PLEKHA7: variants seen among roughly 807,000 people sequenced by gnomAD.
PLEKHA7 encodes the protein pleckstrin homology domain containing A7.
In PLEKHA7, 104 loss-of-function variants were observed where a neutral mutation model predicts 170.0. The observed-to-expected ratio is 0.61, with a 90% CI of 0.52 to 0.72. PLEKHA7 has a LOEUF of 0.72. PLEKHA7 is among the 30% of genes least tolerant of loss of function. PLEKHA7 has a pLI of 0.00. For missense variants in PLEKHA7, 1,615 were observed against 1,671.7 expected, an observed-to-expected ratio of 0.97 and a Z score of 0.59; for synonymous variants, 648 against 660.8, an observed-to-expected ratio of 0.98 and a Z score of 0.30.
At position 16,864,711 on chromosome 11, in the gene PLEKHA7, AC is replaced by A. The variant is rs375929318; in HGVS notation, c.305+6387del. 1.1e-4 allele frequency among the ~76,000 whole-genome samples: 17 copies of A among 152,272 alleles called. No individual in the cohort carries two copies. The East Asian group carries it at 2.5e-3, about 22-fold the overall frequency. On this transcript the variant is annotated intron_variant, in intron 4 of 26. Coordinates refer to ENST00000531066, the MANE Select transcript of PLEKHA7 (RefSeq NM_001329630.2). Reference sequence around the variant, plus strand: ...CTTGCCTGCAGCCATGTAAGATGTGACTTTGCTCCTTATTTGCCTTCCGCCA... The same window carrying A: ...CTTGCCTGCAGCCATGTAAGATGTGATTTGCTCCTTATTTGCCTTCCGCCA...
chr11:16,906,495 A>AT (rs1215419521), intron 3 of PLEKHA7, among the ~76,000 whole-genome samples: 1 of 139,624 alleles, frequency 7.2e-6, no homozygotes, highest in African/African-American at 3.1e-5. Context: ...TGGTTTTCGT[A>AT]TTTTTTTGGT....
chr11:16,815,677 A>C lies in PLEKHA7; in HGVS notation c.1953+501T>G, dbSNP rs559629058. On this transcript the variant is annotated intron_variant, in intron 12 of 26. Coordinates refer to ENST00000531066, the MANE Select transcript of PLEKHA7 (RefSeq NM_001329630.2). Reference sequence around the variant, plus strand: ...ATCACAGGAGTGTACCACCACACCCAGATAGTTTTTGTATTTTTAGTAGAG... The same window carrying C: ...ATCACAGGAGTGTACCACCACACCCCGATAGTTTTTGTATTTTTAGTAGAG... Among the ~76,000 whole-genome samples the C allele has an allele frequency of 8.7e-4, 132 of 152,186 alleles. 1 individual carries two copies. In the Middle Eastern group the frequency reaches 0.024, roughly 27 times the overall value.
chr11:16,863,087 G>C (rs1565034484), intron 4 of PLEKHA7, among the ~76,000 whole-genome samples: 1 of 152,102 alleles, frequency 6.6e-6, no homozygotes, highest in Non-Finnish European at 1.5e-5. Context: ...CCAACTTGTA[G>C]CTGCAGAAGG....
At chr11:16,918,541 G>C (rs780219592) in intron 3 of PLEKHA7, among the ~76,000 whole-genome samples, 2 of 152,198 alleles carry the variant, frequency 1.3e-5, no homozygotes, top group Non-Finnish European at 2.9e-5. Context: ...TCAGTACAAT[G>C]AGCCCGTTGA....
At chr11:16,993,534 A>G (rs183693950) in intron 3 of PLEKHA7, among the ~76,000 whole-genome samples, 20 of 152,296 alleles carry the variant, frequency 1.3e-4, no homozygotes, top group African/African-American at 4.8e-4. Flanking sequence ...GGCACTAGAT[A>G]AATGGTGGTT....
At chr11:16,877,439 CTA>C (rs1262055666) in intron 3 of PLEKHA7, among the ~76,000 whole-genome samples, 1 of 152,176 alleles carries the variant, frequency 6.6e-6, no homozygotes, top group African/African-American at 2.4e-5. Flanking sequence ...AACAGCATCT[CTA>C]TGTTTCCTCA....
At chr11:16,889,423 ATATAT>A (rs1565076501) in intron 3 of PLEKHA7, among the ~76,000 whole-genome samples, 24 of 104,570 alleles carry the variant, frequency 2.3e-4, no homozygotes, top group African/African-American at 8.6e-4. Flanking sequence ...AAAAAAAAAT[ATATAT>A]ATATATATAT....
At chr11:16,834,535 G>C (rs1851361027) in intron 9 of PLEKHA7, among the ~76,000 whole-genome samples, 2 of 152,172 alleles carry the variant, frequency 1.3e-5, no homozygotes, top group African/African-American at 4.8e-5. Context: ...TTAGTCCCAA[G>C]ACAGGACTGC....
In PLEKHA7 at chr11:16,971,779, G is replaced by A. The variant is rs565746191; in HGVS notation, c.221+42210C>T. Among the ~76,000 whole-genome samples the A allele has an allele frequency of 1.2e-4, 18 of 151,856 alleles. No individual in the cohort carries two copies. The East Asian group carries it at 2.9e-3, about 24-fold the overall frequency. ...ATCTTTTTTTATTTTTAAGTGAAGG[G>A]ATATTTTCGCAGATGTCATTAAGGA... is the stretch of plus-strand genomic sequence containing the variant. On this transcript the variant is annotated intron_variant, in intron 3 of 26. Coordinates refer to ENST00000531066, the MANE Select transcript of PLEKHA7 (RefSeq NM_001329630.2).
At chr11:16,788,937 C>T (rs919261008) in intron 23 of PLEKHA7, 159 bp downstream of exon 23, 1 of 902,456 alleles carries the variant, frequency 1.1e-6, no homozygotes, top group Non-Finnish European at 1.7e-6. Context: ...ATTCGTCCAG[C>T]CTGGGTCGTG....
intron 3 of PLEKHA7, among the ~76,000 whole-genome samples, chr11:16,877,598 A>C (rs966090070): frequency 6.6e-6 from 1 of 152,202 alleles, no homozygotes; most frequent in African/African-American, 2.4e-5. Context: ...TATTTTGACA[A>C]TATCAAGATT....
chr11:16,801,014 T>G lies in PLEKHA7; in HGVS notation c.2369A>C (p.Gln790Pro), dbSNP rs149301272. ...TCTTCTGTGTTGCTCCTGCAGGGTC[T>G]GCTTCAGCTGTTCCACATCATTCTC... Reference protein sequence around the residue: ...KLENDVEQLKQTLQEQHRRAF... With the variant: ...KLENDVEQLKPTLQEQHRRAF... The change falls in exon 17 of 27, where the codon CAG becomes CCG. Residue 790 changes from glutamine to proline, a missense_variant. Physicochemically the swap from Gln to Pro is moderately conservative, Grantham distance 76. Transcript: ENST00000531066. 141 of 1,614,162 alleles carry G rather than the reference T, an allele frequency of 8.7e-5. No homozygotes were observed. Among genetic ancestry groups the G allele is most frequent in the Middle Eastern group, 1.6e-4 (1 of 6,084 alleles).
chr11:16,892,641 T>TTTTTTTC (rs1554965016), intron 3 of PLEKHA7, among the ~76,000 whole-genome samples: 62 of 141,202 alleles, frequency 4.4e-4, no homozygotes, highest in East Asian at 4.1e-3. Context: ...TTTTTTTTTT[T>TTTTTTTC]CGTATTTTTA....
chr11:16,954,045 A>G (rs914576802), intron 3 of PLEKHA7, among the ~76,000 whole-genome samples: 3 of 152,248 alleles, frequency 2.0e-5, no homozygotes, highest in African/African-American at 4.8e-5. Flanking sequence ...TGGAAATTTC[A>G]GGGCTTCACT....
At chr11:16,804,596 C>T (rs750651188) in intron 13 of PLEKHA7, among the ~76,000 whole-genome samples, 1 of 152,218 alleles carries the variant, frequency 6.6e-6, no homozygotes, top group Non-Finnish European at 1.5e-5. Context: ...CCCATTCCCA[C>T]GATCCCTTTG....
intron 3 of PLEKHA7, among the ~76,000 whole-genome samples, chr11:16,914,315 T>TG (rs1340660656): frequency 5.3e-5 from 8 of 152,000 alleles, no homozygotes; most frequent in African/African-American, 1.9e-4. Flanking sequence ...ACATTTAAAG[T>TG]GGGAAAAAAA....
intron 3 of PLEKHA7, among the ~76,000 whole-genome samples, chr11:16,962,878 T>G (rs1862151669): frequency 6.6e-6 from 1 of 152,180 alleles, no homozygotes; most frequent in Non-Finnish European, 1.5e-5. Flanking sequence ...AAAATCACAG[T>G]GCTCAAGATA....
intron 3 of PLEKHA7, among the ~76,000 whole-genome samples, chr11:16,962,716 C>T (rs186370576): frequency 2.0e-5 from 3 of 152,248 alleles, no homozygotes; most frequent in African/African-American, 4.8e-5. Flanking sequence ...CCACCTCAGC[C>T]TCTGAAAGTG....
chr11:16,887,445 TC>T (rs1420310694), intron 3 of PLEKHA7, among the ~76,000 whole-genome samples: 5 of 150,912 alleles, frequency 3.3e-5, no homozygotes, highest in Non-Finnish European at 5.9e-5. Flanking sequence ...CGATGCCGAG[TC>T]GAAGCTGGAC....
Sources: allele counts gnomAD v4.1 joint callset (sites outside exome capture counted in the v4.1 genomes callset), GRCh38; gene constraint gnomAD v4.1.1; transcripts MANE v1.5; gene names NCBI Gene and HGNC (gene_info 2026-07-23, HGNC 2026-07-21).